The following ETV6 variants were observed in gnomAD, a reference collection of about 807,000 sequenced individuals.
The protein encoded by ETV6 is transcription factor ETV6.
ETV6 carries 16 observed loss-of-function variants against 51.1 expected under a neutral mutation model. The observed-to-expected ratio is 0.31, with a 90% CI of 0.21 to 0.48. The LOEUF is 0.48. ETV6 is among the 20% of genes least tolerant of loss of function. ETV6 has a pLI of 0.99. For missense variants in ETV6, 458 were observed against 594.8 expected, an observed-to-expected ratio of 0.77 and a Z score of 2.39; for synonymous variants, 240 against 224.1, an observed-to-expected ratio of 1.07 and a Z score of -0.64.
intron 1 of ETV6, among the ~76,000 whole-genome samples, chr12:11,741,315 A>G (rs1405205789): frequency 2.6e-5 from 4 of 152,196 alleles, no homozygotes; most frequent in Admixed American, 6.5e-5. Context: ...TGGTTCCCCA[A>G]TCTCCAATCT....
At chr12:11,711,201 CCTTT>C (rs1179809485) in intron 1 of ETV6, among the ~76,000 whole-genome samples, 5 of 152,218 alleles carry the variant, frequency 3.3e-5, no homozygotes. Flanking sequence ...TTTTGCCTCT[CCTTT>C]CTCGTTTTCT....
chr12:11,662,618 C>T (rs1366629877), intron 1 of ETV6, among the ~76,000 whole-genome samples: 1 of 152,128 alleles, frequency 6.6e-6, no homozygotes, highest in Non-Finnish European at 1.5e-5. Flanking sequence ...AGTCTTCTGC[C>T]TCTTGGTTGG....
chr12:11,873,228 C>T (rs557355710), intron 5 of ETV6, among the ~76,000 whole-genome samples: 1 of 152,196 alleles, frequency 6.6e-6, no homozygotes, highest in African/African-American at 2.4e-5. Context: ...TTCCTTCCAG[C>T]TCTGCCAGTC....
Position 11,885,988 on chromosome 12 carries a change from C to T in ETV6, c.1215C>T (p.Asn405=). 1.2e-6 allele frequency: 2 copies of T among 1,613,960 alleles called. No individual in the cohort carries two copies. Among genetic ancestry groups the T allele is most frequent in the South Asian group, 2.2e-5 (2 of 91,082 alleles). Residue 405 remains asparagine (N), a synonymous_variant, in exon 7 of 8, where the codon AAC becomes AAT. Transcript: ENST00000396373. ...SRALRHYYKL[N]IIRKEPGQRL... ...CCCTGCGCCACTACTACAAACTAAACATTATCAGGAAGGAGCCAGGACAAA... is the reference window on the plus strand; with the variant it reads ...CCCTGCGCCACTACTACAAACTAAATATTATCAGGAAGGAGCCAGGACAAA...
intron 4 of ETV6, among the ~76,000 whole-genome samples, chr12:11,862,259 T>C (rs2136517681): frequency 6.6e-6 from 1 of 152,268 alleles, no homozygotes; most frequent in East Asian, 1.9e-4. Context: ...TCTCAGGCCC[T>C]CCAAGGGAGT....
At chr12:11,783,566 G>C (rs546193282) in intron 2 of ETV6, among the ~76,000 whole-genome samples, 1 of 152,198 alleles carries the variant, frequency 6.6e-6, no homozygotes, top group South Asian at 2.1e-4. Flanking sequence ...TTTAATGGAC[G>C]GTATTTAGCC....
intron 4 of ETV6, among the ~76,000 whole-genome samples, chr12:11,862,869 C>T (rs1300795597): frequency 6.6e-6 from 1 of 152,138 alleles, no homozygotes; most frequent in African/African-American, 2.4e-5. Context: ...TTGAATTCCA[C>T]CTCAAGACCT....
In ETV6 at chr12:11,661,815, A is replaced by G. The variant is rs141920780; in HGVS notation, c.33+11655A>G. ...TGTGTTCTGCCTCTTTGCATTTCTG[A>G]GGCTCCTTGTGTCTGGCAGGGCTGT... On this transcript the variant is annotated intron_variant, in intron 1 of 7. Coordinates refer to ENST00000396373, the MANE Select transcript of ETV6 (RefSeq NM_001987.5). 2.6e-4 allele frequency among the ~76,000 whole-genome samples: 40 copies of G among 152,260 alleles called. 4 individuals are homozygous for G. The highest frequency in any genetic ancestry group is 9.4e-4 in the African/African-American group (39 of 41,548).
At chr12:11,838,590 C>G (rs1946347778) in intron 2 of ETV6, among the ~76,000 whole-genome samples, 1 of 152,240 alleles carries the variant, frequency 6.6e-6, no homozygotes, top group Non-Finnish European at 1.5e-5. Context: ...AATTGCTCTT[C>G]CTGGAAGAAG....
At chr12:11,670,305 G>A (rs1864289582) in intron 1 of ETV6, among the ~76,000 whole-genome samples, 1 of 152,170 alleles carries the variant, frequency 6.6e-6, no homozygotes, top group South Asian at 2.1e-4. Context: ...TTCTTGTAGA[G>A]TAAAAGCTTA....
chr12:11,817,331 C>T (rs1946008207), intron 2 of ETV6, among the ~76,000 whole-genome samples: 1 of 152,152 alleles, frequency 6.6e-6, no homozygotes, highest in African/African-American at 2.4e-5. Flanking sequence ...CAAAAGAGAT[C>T]CTGTTTGTGT....
In ETV6 at chr12:11,892,210, A is replaced by ATTTTTTTTTTTTTTT. The variant is rs35812814; in HGVS notation, c.*1173_*1187dup. The ATTTTTTTTTTTTTTT allele has an allele frequency of 7.4e-4, 114 of 153,552 alleles. 6 individuals carry two copies. Among genetic ancestry groups the ATTTTTTTTTTTTTTT allele is most frequent in the African/African-American group, 4.3e-3 (105 of 24,376 alleles). The allele number at this position is 153,552 out of a possible 1,614,324, so 9.5% of individuals were successfully genotyped here. On this transcript the variant is annotated 3_prime_UTR_variant, in exon 8 of 8. Transcript: ENST00000396373. ...GTGGTCAGTTTCATGCCCTCACCTG[A>ATTTTTTTTTTTTTTT]TTTTTTTTTTTTTTTTTTTTTTTCA...
intron 1 of ETV6, among the ~76,000 whole-genome samples, chr12:11,730,699 A>G (rs901566883): frequency 2.6e-5 from 4 of 152,150 alleles, no homozygotes; most frequent in African/African-American, 9.7e-5. Context: ...ATGTGGGCGG[A>G]CTTCTGAGCT....
At chr12:11,842,517 T>C (rs118019326) in intron 3 of ETV6, among the ~76,000 whole-genome samples, 1,870 of 152,208 alleles carry the variant, frequency 0.012, 19 homozygotes, top group South Asian at 0.059. Flanking sequence ...TGGGCAGTGA[T>C]TGTGTTCTAT....
intron 1 of ETV6, among the ~76,000 whole-genome samples, chr12:11,738,276 T>G: frequency 6.8e-6 from 1 of 147,392 alleles, no homozygotes; most frequent in African/African-American, 2.5e-5. Flanking sequence ...TCTTTCTCTT[T>G]CTCTCTCTCT....
chr12:11,693,897 G>A (rs1242498541), intron 1 of ETV6, among the ~76,000 whole-genome samples: 1 of 152,222 alleles, frequency 6.6e-6, no homozygotes, highest in Non-Finnish European at 1.5e-5. Context: ...GAGAGGGCCA[G>A]TGGGTAGCAG....
At chr12:11,749,235 A>ATTTAAT (rs1156240426) in intron 1 of ETV6, among the ~76,000 whole-genome samples, 2 of 148,456 alleles carry the variant, frequency 1.3e-5, no homozygotes, top group African/African-American at 5.0e-5. Flanking sequence ...TAGCATTTTA[A>ATTTAAT]TTTAATTAGA....
chr12:11,884,885 G>T (rs538062048), intron 6 of ETV6, among the ~76,000 whole-genome samples: 95 of 152,240 alleles, frequency 6.2e-4, no homozygotes, highest in Middle Eastern at 3.4e-3. Flanking sequence ...CTCCACTGTT[G>T]TTAGGAACTG....
chr12:11,700,340 A>C (rs1864954956), intron 1 of ETV6, among the ~76,000 whole-genome samples: 1 of 152,206 alleles, frequency 6.6e-6, no homozygotes, highest in African/African-American at 2.4e-5. Flanking sequence ...AGTAGTGAAC[A>C]TTGTACCCAA....
Sources: gnomAD v4.1 joint callset for allele counts (sites outside exome capture counted in the v4.1 genomes callset) on GRCh38, gnomAD v4.1.1 for gene constraint, MANE v1.5 for transcripts, NCBI Gene and HGNC (gene_info 2026-07-23, HGNC 2026-07-21) for gene names.